Variants in STX2 observed in about 807,000 individuals in gnomAD.
STX2 encodes the protein syntaxin-2.
In STX2, 27 loss-of-function variants were observed where a neutral mutation model predicts 40.6. The observed-to-expected ratio is 0.66, with a 90% CI of 0.49 to 0.92. The LOEUF is 0.92. Among genes scored for constraint, STX2 ranks in the 40% least tolerant of loss-of-function variants. STX2 has a pLI of 0.00. For synonymous variants in STX2, 123 were observed against 119.1 expected, an observed-to-expected ratio of 1.03 and a Z score of -0.22; for missense variants, 328 against 366.1, an observed-to-expected ratio of 0.90 and a Z score of 0.85.
intron 9 of STX2, among the ~76,000 whole-genome samples, chr12:130,796,690 T>C (rs1951039231): frequency 2.0e-5 from 3 of 152,294 alleles, no homozygotes; most frequent in African/African-American, 4.8e-5. Flanking sequence ...GCCACATTTC[T>C]GATGACTGAG....
chr12:130,814,870 C>T (rs902617774), intron 3 of STX2, among the ~76,000 whole-genome samples: 6 of 151,942 alleles, frequency 3.9e-5, no homozygotes, highest in Non-Finnish European at 8.8e-5. Context: ...CTCCTGACCT[C>T]GAGATCCGCC....
At position 130,789,605 on chromosome 12, in the gene STX2, CTAG is replaced by C. The variant is rs1344816030; in HGVS notation, c.*2415_*2417del. Reference sequence around the variant, plus strand: ...AGTAACAGCCACAAGAGCAATTTTCCTAGTAGAACAATTTATTAATTAATATGC... The same window carrying C: ...AGTAACAGCCACAAGAGCAATTTTCCTAGAACAATTTATTAATTAATATGC... On this transcript the variant is annotated 3_prime_UTR_variant, in exon 11 of 11. Transcript: ENST00000392373. 3 of 152,604 alleles carry C rather than the reference CTAG, an allele frequency of 2.0e-5. No individual in the cohort carries two copies. Among genetic ancestry groups the C allele is most frequent in the Non-Finnish European group, 2.9e-5 (2 of 68,028 alleles). 9.5% of individuals were successfully genotyped at this position (152,604 alleles called of 1,614,324 possible).
chr12:130,818,722 A>G (rs1951992312), intron 3 of STX2, among the ~76,000 whole-genome samples: 1 of 152,152 alleles, frequency 6.6e-6, no homozygotes, highest in South Asian at 2.1e-4. Flanking sequence ...GCGGAGCCCC[A>G]GGGAACGGCT....
intron 10 of STX2, among the ~76,000 whole-genome samples, chr12:130,794,526 C>T (rs1341167959): frequency 6.6e-6 from 1 of 152,294 alleles, no homozygotes; most frequent in Non-Finnish European, 1.5e-5. Context: ...GAGATGGTCT[C>T]GCTCTGTCAC....
chr12:130,830,223 A>G (rs994115073), intron 1 of STX2, among the ~76,000 whole-genome samples: 7 of 152,114 alleles, frequency 4.6e-5, no homozygotes, highest in Non-Finnish European at 1.0e-4. Context: ...TGGAGGCTGC[A>G]CCTGCAGCTC....
At chr12:130,830,430 G>C (rs1267859070) in intron 1 of STX2, among the ~76,000 whole-genome samples, 1 of 152,278 alleles carries the variant, frequency 6.6e-6, no homozygotes, top group African/African-American at 2.4e-5. Flanking sequence ...ACAGTGGCGT[G>C]GCGTCAATCC....
rs1302369772 is a variant in STX2, at chr12:130,813,165, G to A, written c.206-134C>T. ...CTTTTTTTCTGTAAGAAAAACTACC[G>A]CTTATACCAGTGGTTCTCAAGGTGG... On this transcript the variant is annotated intron_variant, in intron 3 of 10. Transcript: ENST00000392373. 4 of 530,276 alleles carry A rather than the reference G, an allele frequency of 7.5e-6. 1 individual carries two copies. The highest frequency in any genetic ancestry group is 7.8e-5 in the South Asian group (2 of 25,482). 32.8% of individuals were successfully genotyped at this position (530,276 alleles called of 1,614,324 possible). A position where few individuals can be genotyped will look rare whatever the true frequency, so the allele number is the denominator to read the frequency against.
At chr12:130,813,090 A>G (rs1951722511) in intron 3 of STX2, 59 bp from the exon 4 acceptor site, 1 of 1,033,454 alleles carries the variant, frequency 9.7e-7, no homozygotes, top group Non-Finnish European at 1.3e-6. Context: ...TATCCAACAT[A>G]AATGATATCC....
At chr12:130,796,160 A>C (rs750761511) in intron 9 of STX2, 40 bp from the exon 10 acceptor site, 46 of 1,611,680 alleles carry the variant, frequency 2.9e-5, no homozygotes, top group Non-Finnish European at 3.9e-5. Context: ...ATGCATGGTT[A>C]ATTTCATATT....
chr12:130,807,313 C>T (rs191712602), intron 5 of STX2, among the ~76,000 whole-genome samples: 2 of 152,368 alleles, frequency 1.3e-5, no homozygotes, highest in African/African-American at 4.8e-5. Flanking sequence ...CACAACCCTA[C>T]TTAAAGAAAA....
intron 5 of STX2, 102 bp from the exon 6 acceptor site, chr12:130,807,192 T>C: frequency 9.1e-7 from 1 of 1,096,724 alleles, no homozygotes; most frequent in South Asian, 1.4e-5. Flanking sequence ...CATGTTATTC[T>C]GCTCCTGCAA....
chr12:130,795,380 T>A (rs919842093), intron 10 of STX2, among the ~76,000 whole-genome samples: 2 of 152,182 alleles, frequency 1.3e-5, no homozygotes, highest in Non-Finnish European at 2.9e-5. Context: ...TGAGAATTAA[T>A]CTTCACTGAA....
At chr12:130,794,992 T>C (rs1950985515) in intron 10 of STX2, among the ~76,000 whole-genome samples, 1 of 152,170 alleles carries the variant, frequency 6.6e-6, no homozygotes, top group Admixed American at 6.5e-5. Flanking sequence ...TCAGGGCCAG[T>C]GCAAGGATGG....
At chr12:130,826,093 G>A (rs1191032268) in intron 2 of STX2, among the ~76,000 whole-genome samples, 1 of 152,172 alleles carries the variant, frequency 6.6e-6, no homozygotes, top group African/African-American at 2.4e-5. Context: ...TCAGCCACTG[G>A]GTCACCTGTG....
intron 9 of STX2, among the ~76,000 whole-genome samples, chr12:130,797,387 T>C (rs565790261): frequency 1.3e-5 from 2 of 152,288 alleles, no homozygotes; most frequent in East Asian, 1.9e-4. Flanking sequence ...AAGCAATAAA[T>C]GAAATAACAT....
intron 6 of STX2, among the ~76,000 whole-genome samples, chr12:130,804,043 C>T (rs1283371730): frequency 6.6e-6 from 1 of 152,220 alleles, no homozygotes; most frequent in Non-Finnish European, 1.5e-5. Context: ...ACCTCTTATA[C>T]ATTGTACTAT....
chr12:130,791,919 A>G lies in STX2; in HGVS notation c.*104T>C, dbSNP rs200448188. Reference sequence around the variant, plus strand: ...TGGTTGCTAGGACAATGTTGTTGCTAGGATAATTCCAAGGATCACAAGCAA... The same window carrying G: ...TGGTTGCTAGGACAATGTTGTTGCTGGGATAATTCCAAGGATCACAAGCAA... On this transcript the variant is annotated 3_prime_UTR_variant, in exon 11 of 11. Transcript: ENST00000392373. 5.7e-4 allele frequency: 919 copies of G among 1,611,936 alleles called. 2 individuals carry two copies. Among genetic ancestry groups the G allele is most frequent in the South Asian group, 2.0e-3 (180 of 90,746 alleles).
intron 5 of STX2, 44 bp from the exon 6 acceptor site, chr12:130,807,134 T>C (rs753135877): frequency 5.1e-6 from 8 of 1,576,130 alleles, no homozygotes; most frequent in South Asian, 1.1e-5. Flanking sequence ...GGGCCATGCC[T>C]TCTACTGAAA....
In STX2 at chr12:130,821,805, G is replaced by A; in HGVS notation, c.106-17C>T. 1 of 1,542,428 alleles carries A rather than the reference G, an allele frequency of 6.5e-7. No homozygotes were observed. Among genetic ancestry groups the A allele is most frequent in the Non-Finnish European group, 9.0e-7 (1 of 1,117,146 alleles). On this transcript the variant is annotated splice_polypyrimidine_tract_variant and intron_variant, in intron 2 of 10. Transcript: ENST00000392373. Reference sequence around the variant, plus strand: ...CTCCTCCACCTAGGAGAGAGAGAGAGTCATTACAGCATGGCAAACTCAAAT... The same window carrying A: ...CTCCTCCACCTAGGAGAGAGAGAGAATCATTACAGCATGGCAAACTCAAAT...
Sources: allele counts gnomAD v4.1 joint callset (sites outside exome capture counted in the v4.1 genomes callset), GRCh38; gene constraint gnomAD v4.1.1; transcripts MANE v1.5; gene names NCBI Gene and HGNC (gene_info 2026-07-23, HGNC 2026-07-21).